Variants in MIB2 observed in about 807,000 individuals in gnomAD.
MIB2 encodes the protein MIB E3 ubiquitin protein ligase 2, also known as E3 ubiquitin-protein ligase MIB2.
A neutral mutation model predicts 96.6 loss-of-function variants in MIB2; 78 were observed. The observed-to-expected ratio is 0.81, with a 90% CI of 0.67 to 0.97. The LOEUF is 0.97. Ranked by LOEUF, MIB2 falls within the 50% of genes least tolerant of loss-of-function variation. MIB2 has a pLI of 0.00. For missense variants in MIB2, 1,543 were observed against 1,424.0 expected (o/e 1.08, Z -1.35); for synonymous variants, 820 against 629.5 (o/e 1.30, Z -4.53).
intron 2 of MIB2, 28 bp downstream of exon 2, chr1:1,616,642 T>A: frequency 6.5e-7 from 1 of 1,537,638 alleles, no homozygotes; most frequent in Admixed American, 1.9e-5. Context: ...CGCGGCCTGA[T>A]AGTTTGCACT....
chr1:1,615,433 GC>G, upstream of MIB2: 2 of 1,500,288 alleles, frequency 1.3e-6, no homozygotes, highest in Non-Finnish European at 1.8e-6. Flanking sequence ...TGCTTGCCCT[GC>G]CCATCCCCGT....
chr1:1,621,306 C>T (rs950682641), intron 2 of MIB2, among the ~76,000 whole-genome samples: 8 of 152,206 alleles, frequency 5.3e-5, no homozygotes, highest in Non-Finnish European at 7.3e-5. Flanking sequence ...CTCTGGCTGC[C>T]GGCTGTGGAA....
intron 19 of MIB2, among the ~76,000 whole-genome samples, 172 bp from the exon 20 acceptor site, chr1:1,630,120 C>T (rs1390161164): frequency 6.7e-6 from 1 of 150,286 alleles, no homozygotes; most frequent in African/African-American, 2.5e-5. Context: ...TCACCTCCTG[C>T]CCGCACCCGG....
rs751617335 is a variant in MIB2 at position 1,629,293 on chromosome 1, G to A, written c.2363G>A (p.Gly788Asp). ...GGTCGCGTGCTCAAGGCCCTTCAGG[G>A]CTGCGCCCAGCGCTTCCGGTGAGTC... is the stretch of plus-strand genomic sequence containing the variant. The part of the protein sequence containing the change: ...AEGRVLKALQ[G>D]CAQRFRERQA... The change falls in exon 17 of 20, where the codon GGC (glycine) becomes GAC (aspartate). Residue 788 changes from glycine (G) to aspartate (D), a missense_variant. Physicochemically the swap from Gly to Asp is moderately conservative, Grantham distance 94 (BLOSUM62 -1). Transcript: ENST00000355826. 14 of 1,513,998 alleles carry A rather than the reference G, an allele frequency of 9.2e-6. No homozygotes were observed. The highest frequency in any genetic ancestry group is 1.5e-5 in the African/African-American group (1 of 68,742). The allele number at this position is 1,513,998 out of a possible 1,614,324, so 93.8% of individuals were successfully genotyped here.
intron 2 of MIB2, among the ~76,000 whole-genome samples, chr1:1,619,833 G>C (rs997721018): frequency 6.6e-5 from 10 of 152,228 alleles, no homozygotes; most frequent in African/African-American, 2.4e-4. Context: ...CCCAACTCAG[G>C]TGGGCTTCCA....
chr1:1,629,249 G>A lies in MIB2; in HGVS notation c.2319G>A (p.Pro773=), dbSNP rs1333576208. 1.0e-5 allele frequency: 16 copies of A among 1,544,658 alleles called. No homozygotes were observed. Among genetic ancestry groups the A allele is most frequent in the Admixed American group, 9.5e-5 (5 of 52,800 alleles). ...VSYTNHRGRS[P]LDLAAEGRVL... Reference sequence around the variant, plus strand: ...ACACCAACCACCGCGGTCGGAGCCCGCTGGACCTGGCCGCCGAGGGTCGCG... The same window carrying A: ...ACACCAACCACCGCGGTCGGAGCCCACTGGACCTGGCCGCCGAGGGTCGCG... Residue 773 remains proline (P), a synonymous_variant, in exon 17 of 20, where the codon CCG becomes CCA. Transcript: ENST00000355826.
rs1020509407 is a variant in MIB2, at chr1:1,627,519, C to A, written c.1523+75C>A. On this transcript the variant is annotated intron_variant, in intron 12 of 19. Transcript: ENST00000355826. Reference sequence around the variant, plus strand: ...GGGTGAGGCCTGGGAGGGGCCCGGCCGGCGGGGCTGAGCCTGTGCGTCCTG... The same window carrying A: ...GGGTGAGGCCTGGGAGGGGCCCGGCAGGCGGGGCTGAGCCTGTGCGTCCTG... 2.7e-6 allele frequency: 4 copies of A among 1,498,376 alleles called. No individual in the cohort carries two copies. The African/African-American group carries it at 4.4e-5, about 17-fold the overall frequency. The allele number at this position is 1,498,376 out of a possible 1,614,324, so 92.8% of individuals were successfully genotyped here.
rs777229113 is a variant in MIB2, at chr1:1,627,420, C to A, written c.1499C>A (p.Thr500Lys). ...GVDLPDDEGN[T>K]ALHYAALGNQ... ...GACCTGCCGGACGACGAGGGCAACA[C>A]GGCACTGCACTACGCGGCCCTGGGG... The change falls in exon 12 of 20, where the codon ACG becomes AAG. Residue 500 changes from threonine (T) to lysine (K), a missense_variant. Transcript: ENST00000355826. 3 of 1,612,430 alleles carry A rather than the reference C, an allele frequency of 1.9e-6. No homozygotes were observed. Among genetic ancestry groups the A allele is most frequent in the East Asian group, 2.2e-5 (1 of 44,880 alleles).
At position 1,626,461 on chromosome 1, in the gene MIB2, C is replaced by T; in HGVS notation, c.973-189C>T. The T allele has an allele frequency of 1.7e-6, 1 of 584,130 alleles. No homozygotes were observed. The highest frequency in any genetic ancestry group is 4.5e-4 in the Middle Eastern group (1 of 2,202). The allele number at this position is 584,130 out of a possible 1,614,324, so 36.2% of individuals were successfully genotyped here. A position where few individuals can be genotyped will look rare whatever the true frequency, so the allele number is the denominator to read the frequency against. ...CCATGGCTCTGGGGCTAGGGACACC[C>T]AGGGCTGCCTTGGACACCTGGGGCT... On this transcript the variant is annotated intron_variant, in intron 8 of 19. Transcript: ENST00000355826. This position sits in a 1 kb window ranked among gnomAD's most constrained non-coding sequence, Gnocchi z 5.3.
chr1:1,623,932 G>A lies in MIB2; in HGVS notation c.406G>A (p.Ala136Thr), dbSNP rs372178622. 261 of 1,606,874 alleles carry A rather than the reference G, an allele frequency of 1.6e-4. 1 individual carries two copies. Among genetic ancestry groups the A allele is most frequent in the Non-Finnish European group, 2.1e-4 (244 of 1,175,804 alleles). Residue 136 changes from alanine to threonine, a missense_variant, in exon 4 of 20, where the codon GCT (alanine) becomes ACT (threonine). By Grantham distance (58) the Ala-to-Thr change is moderately conservative (BLOSUM62 0). Coordinates refer to ENST00000355826, the MANE Select transcript of MIB2 (RefSeq NM_001170687.4). ...CCACGCCTTCGACCGCTACGAGACC[G>A]CTCACTCGCGCCCGTGAGTCCCGGG... ...LAHAFDRYET[A>T]HSRPVTLSPR...
chr1:1,614,262 C>A (rs1643411978), upstream of MIB2: 1 of 152,208 alleles, frequency 6.6e-6, no homozygotes, highest in African/African-American at 2.4e-5. Flanking sequence ...TGCAGGAATA[C>A]CTGCAGCAGG....
intron 2 of MIB2, among the ~76,000 whole-genome samples, chr1:1,621,130 G>A (rs1644224005): frequency 6.6e-6 from 1 of 152,238 alleles, no homozygotes; most frequent in Non-Finnish European, 1.5e-5. Context: ...TGAAGCTGGT[G>A]GGGTCCTGGC....
chr1:1,627,782 G>T lies in MIB2; in HGVS notation c.1633G>T (p.Glu545Ter). Residue 545 changes from glutamate to a stop codon, truncating the protein, a stop_gained, in exon 13 of 20, where the codon GAG becomes TAG. Coordinates refer to ENST00000355826, the MANE Select transcript of MIB2 (RefSeq NM_001170687.4). LOFTEE classifies it high-confidence loss of function. ...CGTGGCCGTGCAGAGGGGCTTCCTG[G>T]AGGTGGTGCGGGCCCTGTGTGAGCG... is the stretch of plus-strand genomic sequence containing the variant. ...LHVAVQRGFL[E>*]VVRALCERGC... 1 of 1,598,580 alleles carries T rather than the reference G, an allele frequency of 6.3e-7. No individual in the cohort carries two copies. Among genetic ancestry groups the T allele is most frequent in the Non-Finnish European group, 8.5e-7 (1 of 1,179,382 alleles).
chr1:1,628,530 C>A lies in MIB2; in HGVS notation c.2010C>A (p.Ser670=). The change falls in exon 16 of 20, where the codon TCC becomes TCA. Residue 670 remains serine, a synonymous_variant. Coordinates refer to ENST00000355826, the MANE Select transcript of MIB2 (RefSeq NM_001170687.4). ...ACGTGCGCAACCGGAAGCTGCAGTC[C>A]CCGCTGCATCTCGCCGTGCAACAGG... The part of the protein sequence containing the change: ...DVNVRNRKLQ[S]PLHLAVQQAH... The A allele has an allele frequency of 6.2e-7, 1 of 1,601,096 alleles. No individual in the cohort carries two copies.
intron 2 of MIB2, chr1:1,623,054 G>C: frequency 8.4e-6 from 3 of 359,214 alleles, no homozygotes; most frequent in Middle Eastern, 7.2e-4. Flanking sequence ...TCGGGGGACG[G>C]CAGCTCTTAC....
At chr1:1,624,297 G>A in intron 4 of MIB2, 1 of 396,278 alleles carries the variant, frequency 2.5e-6, no homozygotes, top group Non-Finnish European at 4.5e-6. Context: ...GGCAAGGACA[G>A]CCAGAGGTGC....
At chr1:1,627,609 G>C (rs1644925512) in intron 12 of MIB2, 64 bp from the exon 13 acceptor site, 1 of 1,535,586 alleles carries the variant, frequency 6.5e-7, no homozygotes, top group Admixed American at 2.0e-5. Context: ...GCCTGGCGGG[G>C]CTGAGCCTGT....
intron 16 of MIB2, 150 bp from the exon 17 acceptor site, chr1:1,628,983 C>G (rs1645090433): frequency 1.1e-6 from 1 of 898,424 alleles, no homozygotes; most frequent in South Asian, 1.9e-5. Context: ...GGCGCCCCTC[C>G]TGCCTGTCCC....
rs756978924 is a variant in MIB2 at position 1,626,875 on chromosome 1, A to C, written c.1116A>C (p.Gly372=). The C allele has an allele frequency of 1.2e-6, 2 of 1,604,904 alleles. No individual in the cohort carries two copies. Among genetic ancestry groups the C allele is most frequent in the Non-Finnish European group, 1.7e-6 (2 of 1,179,556 alleles). The change falls in exon 10 of 20, where the codon GGA becomes GGC. Residue 372 remains glycine, a synonymous_variant. Coordinates refer to ENST00000355826, the MANE Select transcript of MIB2 (RefSeq NM_001170687.4). This position sits in a 1 kb window ranked among gnomAD's most constrained non-coding sequence, Gnocchi z 5.3. ...GRVGKVVKVF[G]DGNLRVAVAG... ...TCGGGAAGGTGGTGAAAGTGTTTGG[A>C]GACGGGAACCTGCGTGTAGCAGTCG...
Sources: gnomAD v4.1 joint callset for allele counts (sites outside exome capture counted in the v4.1 genomes callset) on GRCh38, gnomAD v4.1.1 for gene constraint, Gnocchi (gnomAD v3.1) non-coding constraint, MANE v1.5 for transcripts, NCBI Gene and HGNC (gene_info 2026-07-23, HGNC 2026-07-21) for gene names.